Variants in PUDP observed in about 807,000 individuals in gnomAD.
PUDP encodes the protein pseudouridine 5'-phosphatase.
A neutral mutation model predicts 9.4 loss-of-function variants in PUDP; 8 were observed. The ratio of observed to expected loss-of-function variants is 0.85; its 90% confidence interval spans 0.50 to 1.53. The LOEUF (loss-of-function observed/expected upper bound fraction) is 1.53. Among genes scored for constraint, PUDP ranks in the 40% most tolerant of loss-of-function variants. PUDP has a pLI of 0.00. For missense variants in PUDP, 188 were observed against 189.7 expected (o/e 0.99, Z 0.05); for synonymous variants, 99 against 80.7 (o/e 1.23, Z -1.22).
intron 1 of PUDP, among the ~76,000 whole-genome samples, chrX:7,000,687 T>C (rs1435947202): frequency 9.2e-6 from 1 of 108,986 alleles, no homozygotes; most frequent in Non-Finnish European, 1.9e-5. Flanking sequence ...AAACCTATAA[T>C]GATCATTTTA....
rs972384626 is a variant in PUDP, at chrX:7,143,029, C to T, written c.61+5024G>A. Reference sequence around the variant, plus strand: ...GCTGTTTTATTTTTTAAAATTGCCACAGCCACCCCAACCTTCAGCAACCAC... The same window carrying T: ...GCTGTTTTATTTTTTAAAATTGCCATAGCCACCCCAACCTTCAGCAACCAC... On this transcript the variant is annotated intron_variant, in intron 1 of 3. Coordinates refer to ENST00000381077, the MANE Select transcript of PUDP (RefSeq NM_012080.5). 3.6e-5 allele frequency among the ~76,000 whole-genome samples: 4 copies of T among 111,409 alleles called. No homozygotes were observed. The East Asian group carries it at 8.4e-4, about 24-fold the overall frequency.
At chrX:6,797,582 C>G (rs747099046) in intron 3 of PUDP, among the ~76,000 whole-genome samples, 1 of 110,975 alleles carries the variant, frequency 9.0e-6, no homozygotes, top group Non-Finnish European at 1.9e-5. Context: ...TTCCAATAGA[C>G]AGTGAAAAAC....
At chrX:6,938,804 T>C (rs1347260985) in intron 3 of PUDP, among the ~76,000 whole-genome samples, 3 of 92,160 alleles carry the variant, frequency 3.3e-5, no homozygotes, top group African/African-American at 1.1e-4. Context: ...TTTTTTTTTT[T>C]GCAATACTAG....
chrX:6,905,745 T>C (rs921413125), intron 3 of PUDP, among the ~76,000 whole-genome samples: 7 of 111,525 alleles, frequency 6.3e-5, no homozygotes, highest in African/African-American at 2.3e-4. Flanking sequence ...GAGACTTCGG[T>C]GTACAAAATA....
intron 3 of PUDP, among the ~76,000 whole-genome samples, chrX:6,921,124 C>A (rs1928015765): frequency 9.0e-6 from 1 of 111,165 alleles, no homozygotes; most frequent in African/African-American, 3.3e-5. Flanking sequence ...GTGGCTCACA[C>A]CTGTAATCTC....
At chrX:6,794,357 C>T (rs1331371588) in intron 3 of PUDP, among the ~76,000 whole-genome samples, 1 of 111,519 alleles carries the variant, frequency 9.0e-6, no homozygotes, top group Non-Finnish European at 1.9e-5. Flanking sequence ...AGAAAAGGTA[C>T]AGTAAACATA....
chrX:6,821,729 A>G (rs1223919202), intron 3 of PUDP, among the ~76,000 whole-genome samples: 2 of 112,322 alleles, frequency 1.8e-5, no homozygotes, highest in East Asian at 5.6e-4. Flanking sequence ...CTGCAGACAC[A>G]GATAAGCAAG....
At chrX:6,790,697 T>A (rs1925730494) in intron 3 of PUDP, among the ~76,000 whole-genome samples, 1 of 112,699 alleles carries the variant, frequency 8.9e-6, no homozygotes, top group African/African-American at 3.2e-5. Flanking sequence ...AAATAAAGTG[T>A]ATAACTCCAC....
At chrX:6,932,980 G>C (rs1928224054) in intron 3 of PUDP, among the ~76,000 whole-genome samples, 1 of 110,186 alleles carries the variant, frequency 9.1e-6, no homozygotes, top group Non-Finnish European at 1.9e-5. Flanking sequence ...CTCGAACTGG[G>C]TGGAGCCCAC....
chrX:6,976,398 C>T (rs1184140620), intron 3 of PUDP, among the ~76,000 whole-genome samples: 1 of 111,614 alleles, frequency 9.0e-6, no homozygotes, highest in African/African-American at 3.3e-5. Flanking sequence ...GAATCTGGGC[C>T]AGAATGCACC....
chrX:6,805,609 T>C (rs1407764542), intron 3 of PUDP, among the ~76,000 whole-genome samples: 1 of 110,481 alleles, frequency 9.1e-6, no homozygotes, highest in Non-Finnish European at 1.9e-5. Flanking sequence ...AGCCTCGACC[T>C]TCCAGGCACA....
chrX:6,924,048 G>A (rs1253527724), intron 3 of PUDP, among the ~76,000 whole-genome samples: 2 of 110,355 alleles, frequency 1.8e-5, no homozygotes, highest in African/African-American at 6.6e-5. Flanking sequence ...CCATTCCTTC[G>A]TCCTCCTGCA....
intron 1 of PUDP, among the ~76,000 whole-genome samples, chrX:7,120,335 G>C (rs1458338395): frequency 9.0e-6 from 1 of 110,927 alleles, no homozygotes; most frequent in South Asian, 3.9e-4. Flanking sequence ...AGGAGGGAGA[G>C]AGAGAAGGTA....
intron 3 of PUDP, among the ~76,000 whole-genome samples, chrX:6,940,115 T>C (rs969941904): frequency 1.8e-5 from 2 of 113,027 alleles, no homozygotes; most frequent in Non-Finnish European, 3.7e-5. Context: ...GCCTCTCCTC[T>C]GTAAAATAAG....
chrX:7,134,000 T>C (rs747810342), intron 1 of PUDP, among the ~76,000 whole-genome samples: 8 of 112,220 alleles, frequency 7.1e-5, no homozygotes, highest in South Asian at 3.7e-4. Flanking sequence ...AGATATGAAC[T>C]GAACATGTTC....
intron 3 of PUDP, among the ~76,000 whole-genome samples, chrX:6,745,950 G>A (rs1250447497): frequency 8.9e-6 from 1 of 111,821 alleles, no homozygotes; most frequent in Non-Finnish European, 1.9e-5. Flanking sequence ...TGGCTCCCAT[G>A]TCCTCTTTCA....
intron 3 of PUDP, among the ~76,000 whole-genome samples, chrX:6,746,563 C>T (rs1925002141): frequency 9.0e-6 from 1 of 110,562 alleles, no homozygotes; most frequent in South Asian, 3.9e-4. Context: ...TTCTCTCTCT[C>T]CCCCCACCCC....
At chrX:6,720,420 A>G (rs1242706203) in intron 1 of PUDP, among the ~76,000 whole-genome samples, 3 of 105,580 alleles carry the variant, frequency 2.8e-5, no homozygotes, top group Non-Finnish European at 5.8e-5. Flanking sequence ...GACAAATACC[A>G]TATGATCTCA....
At position 6,867,983 on chromosome X, in the gene PUDP, T is replaced by C. The variant is rs140023073; in HGVS notation, c.*247+109150A>G. On this transcript the variant is annotated intron_variant and NMD_transcript_variant, in intron 3 of 3. Transcript: ENST00000655425. ...AGGATACCTAACCCAATCTCATTTA[T>C]AAGGACAACATGACCTAATCACCTC... is the stretch of plus-strand genomic sequence containing the variant. Among the ~76,000 whole-genome samples the C allele has an allele frequency of 3.8e-4, 42 of 111,604 alleles. 2 individuals are homozygous for C. In the East Asian group the frequency reaches 0.012, roughly 31 times the overall value.
Sources: gnomAD v4.1 joint callset for allele counts (sites outside exome capture counted in the v4.1 genomes callset) on GRCh38, gnomAD v4.1.1 for gene constraint, MANE v1.5 for transcripts, NCBI Gene and HGNC (gene_info 2026-07-23, HGNC 2026-07-21) for gene names.